POMK: variants seen among roughly 807,000 people sequenced by gnomAD.
POMK encodes the protein Sugen kinase 196.
In POMK, 19 loss-of-function variants were observed where a neutral mutation model predicts 23.0. The ratio of observed to expected loss-of-function variants is 0.83; its 90% CI spans 0.58 to 1.21. The LOEUF (loss-of-function observed/expected upper bound fraction) is 1.21. Ranked by LOEUF, POMK falls within the 50% of genes most tolerant of loss-of-function variation. The probability of loss-of-function intolerance (pLI) is 0.00; values close to 1 mark genes in which losing one functional copy is unlikely to be tolerated. For synonymous variants in POMK, 173 were observed against 171.6 expected (o/e 1.01, Z -0.06); for missense variants, 410 against 431.3 (o/e 0.95, Z 0.44).
At position 43,122,521 on chromosome 8, in the gene POMK, C is replaced by G. The variant is rs939368243; in HGVS notation, c.697C>G (p.Leu233Val). Residue 233 changes from leucine (L) to valine (V), a missense_variant, in exon 5 of 5, where the codon CTG becomes GTG. Physicochemically the swap from Leu to Val is conservative, Grantham distance 32. Transcript: ENST00000331373. ...ILANDLDALPLVNHSSGMLVK... is the reference protein window; with the variant it reads ...ILANDLDALPVVNHSSGMLVK... Reference sequence around the variant, plus strand: ...GGCAAATGACTTGGACGCCTTACCCCTGGTGAACCACAGCTCCGGGATGCT... The same window carrying G: ...GGCAAATGACTTGGACGCCTTACCCGTGGTGAACCACAGCTCCGGGATGCT... 1.2e-6 allele frequency: 2 copies of G among 1,614,008 alleles called. No individual in the cohort carries two copies. Among genetic ancestry groups the G allele is most frequent in the Non-Finnish European group, 1.7e-6 (2 of 1,180,034 alleles).
chr8:43,117,005 C>G (rs569838404), intron 4 of POMK, among the ~76,000 whole-genome samples: 4 of 151,250 alleles, frequency 2.6e-5, no homozygotes, highest in Non-Finnish European at 5.9e-5. Context: ...GAGTGGGGGT[C>G]GCAAGGTGCT....
chr8:43,114,326 C>T (rs573764019), intron 4 of POMK, among the ~76,000 whole-genome samples: 13 of 152,346 alleles, frequency 8.5e-5, no homozygotes, highest in African/African-American at 3.1e-4. Context: ...GGGCACCCCT[C>T]CCCCAGGCTC....
Position 43,110,303 on chromosome 8 carries a change from C to G in POMK, c.282+6473C>G, listed in dbSNP as rs148464262. 2.9e-3 allele frequency among the ~76,000 whole-genome samples: 444 copies of G among 152,314 alleles called. 5 individuals carry two copies. Among genetic ancestry groups the G allele is most frequent in the Middle Eastern group, 0.024 (7 of 294 alleles). On this transcript the variant is annotated intron_variant, in intron 4 of 4. Coordinates refer to ENST00000331373, the MANE Select transcript of POMK (RefSeq NM_032237.5). ...TTCAATTACGTACCAGGAGTGGAGC[C>G]TAGGACACCAGAAGGTCTGACTGTT... is the stretch of plus-strand genomic sequence containing the variant.
chr8:43,095,316 A>C (rs1811312710), intron 1 of POMK, among the ~76,000 whole-genome samples: 1 of 152,186 alleles, frequency 6.6e-6, no homozygotes, highest in Non-Finnish European at 1.5e-5. Context: ...TGAAGTTGAC[A>C]GTGTATAAAA....
Position 43,123,047 on chromosome 8 carries a change from TG to T in POMK, c.*172del. 1 of 614,020 alleles carries T rather than the reference TG, an allele frequency of 1.6e-6. No individual in the cohort carries two copies. The highest frequency in any genetic ancestry group is 2.8e-6 in the Non-Finnish European group (1 of 356,488). The allele number at this position is 614,020 out of a possible 1,614,324, so 38.0% of individuals were successfully genotyped here. A position where few individuals can be genotyped will look rare whatever the true frequency, so the allele number is the denominator to read the frequency against. On this transcript the variant is annotated 3_prime_UTR_variant, in exon 5 of 5. Transcript: ENST00000331373. ...ATGTACGTTTGTATGTAGTCCACAT[TG>T]GTTGTTAGATTTTTTTTTTTTTCTT...
At chr8:43,096,772 G>T (rs558481832) in intron 1 of POMK, among the ~76,000 whole-genome samples, 61 of 152,322 alleles carry the variant, frequency 4.0e-4, no homozygotes, top group Admixed American at 1.6e-3. Context: ...CTCACTAATT[G>T]TGGAAAAGTC....
intron 4 of POMK, among the ~76,000 whole-genome samples, chr8:43,120,585 A>G (rs1308286952): frequency 6.6e-6 from 1 of 151,600 alleles, no homozygotes; most frequent in Non-Finnish European, 1.5e-5. Flanking sequence ...CATGATATAT[A>G]TATATATTGA....
At chr8:43,100,673 G>A (rs1563336071) in intron 2 of POMK, among the ~76,000 whole-genome samples, 1 of 152,166 alleles carries the variant, frequency 6.6e-6, no homozygotes, top group East Asian at 1.9e-4. Context: ...CCCAGTGCAT[G>A]CTAATGGAAC....
chr8:43,094,936 G>A (rs1045951129), intron 1 of POMK, among the ~76,000 whole-genome samples: 1 of 152,146 alleles, frequency 6.6e-6, no homozygotes, highest in African/African-American at 2.4e-5. Context: ...AAATTTCAGT[G>A]GTTTTTGCTT....
chr8:43,096,696 A>G (rs913035476), intron 1 of POMK, among the ~76,000 whole-genome samples: 13 of 152,142 alleles, frequency 8.5e-5, no homozygotes, highest in Non-Finnish European at 1.8e-4. Context: ...GAAAAAAAAG[A>G]AAGCTCTCCC....
rs765370760 is a variant in POMK, at chr8:43,122,278, C to A, written c.454C>A (p.His152Asn). Residue 152 changes from histidine (H) to asparagine (N), a missense_variant, in exon 5 of 5, where the codon CAC (histidine) becomes AAC (asparagine). His to Asn is a moderately conservative substitution (Grantham distance 68). Transcript: ENST00000331373. ...EDDNTMLTEY[H>N]PLGSLSNLEE... is the part of the protein sequence containing the mutation. ...TGACAACACTATGCTTACTGAATATCACCCTCTAGGTTCCTTGAGTAACCT... is the reference window on the plus strand; with the variant it reads ...TGACAACACTATGCTTACTGAATATAACCCTCTAGGTTCCTTGAGTAACCT... 1.9e-6 allele frequency: 3 copies of A among 1,614,084 alleles called. No individual in the cohort carries two copies. The highest frequency in any genetic ancestry group is 1.7e-6 in the Non-Finnish European group (2 of 1,180,012).
chr8:43,115,817 C>A (rs997262853), intron 4 of POMK, among the ~76,000 whole-genome samples: 1 of 152,210 alleles, frequency 6.6e-6, no homozygotes, highest in African/African-American at 2.4e-5. Context: ...AACGACAAGG[C>A]CCTGCGAGAC....
At chr8:43,120,183 T>C (rs73629161) in intron 4 of POMK, among the ~76,000 whole-genome samples, 9,858 of 152,082 alleles carry the variant, frequency 0.065, 730 homozygotes, top group African/African-American at 0.18. Flanking sequence ...ATTATACAAA[T>C]GGTTTTGTAT....
At chr8:43,098,096 C>T (rs1202580137) in intron 2 of POMK, among the ~76,000 whole-genome samples, 1 of 152,118 alleles carries the variant, frequency 6.6e-6, no homozygotes, top group Non-Finnish European at 1.5e-5. Context: ...ATGCTTTTAT[C>T]TTTTTAAATG....
intron 2 of POMK, among the ~76,000 whole-genome samples, chr8:43,100,977 G>A (rs1273249602): frequency 6.6e-6 from 1 of 152,118 alleles, no homozygotes; most frequent in East Asian, 1.9e-4. Context: ...GTGTGCCATT[G>A]CTGGGAGAGT....
chr8:43,107,431 G>A (rs184345150), intron 4 of POMK, among the ~76,000 whole-genome samples: 132 of 152,266 alleles, frequency 8.7e-4, no homozygotes, highest in South Asian at 2.5e-3. Flanking sequence ...CTGGAGTGCA[G>A]TGGCGTGATC....
Position 43,122,335 on chromosome 8 carries a change from A to G in POMK, c.511A>G (p.Asn171Asp). ...AACACTAAACCTTTCAAAGTACCAAAATGTGAACACGTGGCAGCACAGGCT... is the reference window on the plus strand; with the variant it reads ...AACACTAAACCTTTCAAAGTACCAAGATGTGAACACGTGGCAGCACAGGCT... ...EETLNLSKYQ[N>D]VNTWQHRLEL... The change falls in exon 5 of 5, where the codon AAT becomes GAT. Residue 171 changes from asparagine to aspartate, a missense_variant. By Grantham distance (23) the Asn-to-Asp change is conservative (BLOSUM62 1). Transcript: ENST00000331373. The G allele has an allele frequency of 1.2e-6, 2 of 1,614,186 alleles. No homozygotes were observed. Among genetic ancestry groups the G allele is most frequent in the Non-Finnish European group, 1.7e-6 (2 of 1,180,046 alleles).
intron 4 of POMK, among the ~76,000 whole-genome samples, chr8:43,104,918 C>A (rs747227217): frequency 6.6e-6 from 1 of 151,396 alleles, no homozygotes; most frequent in Non-Finnish European, 1.5e-5. Context: ...GGTGACAGAG[C>A]AAGATGCTGT....
At chr8:43,113,490 G>A (rs372904868) in intron 4 of POMK, among the ~76,000 whole-genome samples, 1 of 152,078 alleles carries the variant, frequency 6.6e-6, no homozygotes, top group Non-Finnish European at 1.5e-5. Flanking sequence ...CTCTGTATTG[G>A]TTATTCTAGT....
Sources: allele counts gnomAD v4.1 joint callset (sites outside exome capture counted in the v4.1 genomes callset), GRCh38; gene constraint gnomAD v4.1.1; transcripts MANE v1.5; gene names NCBI Gene and HGNC (gene_info 2026-07-23, HGNC 2026-07-21).